The following SMARCAL1 variants were observed in gnomAD, a reference collection of about 807,000 sequenced individuals.
SMARCAL1 encodes SNF2 related chromatin remodeling annealing helicase 1.
Under a neutral mutation model 94.5 loss-of-function variants are expected in SMARCAL1, and 58 were observed. That is an observed-to-expected ratio of 0.61 (90% CI 0.50 to 0.76). SMARCAL1 has a LOEUF of 0.76. SMARCAL1 is among the 30% of genes least tolerant of loss of function. The pLI is 0.00. For synonymous variants in SMARCAL1, 422 were observed against 455.1 expected (o/e 0.93, Z 0.93); for missense variants, 1,051 against 1,177.9 (o/e 0.89, Z 1.58).
intron 5 of SMARCAL1, among the ~76,000 whole-genome samples, chr2:216,421,819 A>G (rs1055252695): frequency 2.0e-5 from 3 of 152,220 alleles, no homozygotes; most frequent in African/African-American, 7.2e-5. Context: ...GAGACCTCAC[A>G]TTCAAGCATT....
intron 12 of SMARCAL1, among the ~76,000 whole-genome samples, chr2:216,453,629 G>A (rs1236986027): frequency 6.6e-6 from 1 of 152,186 alleles, no homozygotes; most frequent in African/African-American, 2.4e-5. Flanking sequence ...GAGTTGGAAG[G>A]GTTAAAATGG....
At chr2:216,481,188 T>C (rs1695188687) in intron 17 of SMARCAL1, among the ~76,000 whole-genome samples, 1 of 136,504 alleles carries the variant, frequency 7.3e-6, no homozygotes, top group African/African-American at 3.2e-5. Flanking sequence ...TTTTTTATAT[T>C]TATTTATTTA....
chr2:216,462,091 C>T (rs1189558535), intron 12 of SMARCAL1, among the ~76,000 whole-genome samples: 1 of 152,084 alleles, frequency 6.6e-6, no homozygotes, highest in Non-Finnish European at 1.5e-5. Context: ...CTGCATCATC[C>T]CCAAAAGGGC....
At chr2:216,450,162 T>A (rs891584579) in intron 11 of SMARCAL1, among the ~76,000 whole-genome samples, 3 of 152,210 alleles carry the variant, frequency 2.0e-5, no homozygotes, top group African/African-American at 7.2e-5. Context: ...TAATGGCTTC[T>A]CTAGCTGTGT....
At chr2:216,435,537 G>C (rs773195998) in intron 9 of SMARCAL1, 41 bp downstream of exon 9, 2 of 1,568,770 alleles carry the variant, frequency 1.3e-6, no homozygotes, top group South Asian at 2.2e-5. Context: ...TTATCTCTCT[G>C]GAAACTTTCT....
At position 216,435,284 on chromosome 2, in the gene SMARCAL1, A is replaced by G. The variant is rs1694057042; in HGVS notation, c.1486-54A>G. The G allele has an allele frequency of 8.8e-6, 14 of 1,597,558 alleles. No homozygotes were observed. In the East Asian group the frequency reaches 2.9e-4, roughly 33 times the overall value. The stretch of plus-strand genomic sequence containing the variant: ...CATGAGACTGCTGCTGTCACAACCA[A>G]CAGCTGCTGTGCTGGGTGGTCATTG... On this transcript the variant is annotated intron_variant, in intron 8 of 17. Transcript: ENST00000357276.
chr2:216,469,701 T>A (rs1398994971), intron 14 of SMARCAL1, among the ~76,000 whole-genome samples: 1 of 152,176 alleles, frequency 6.6e-6, no homozygotes, highest in Non-Finnish European at 1.5e-5. Context: ...ATCTATGCAT[T>A]TCTTTATGGC....
In SMARCAL1 at chr2:216,464,182, G is replaced by A. The variant is rs113742214; in HGVS notation, c.2071-415G>A. Among the ~76,000 whole-genome samples, 493 of 152,304 alleles carry A rather than the reference G, an allele frequency of 3.2e-3. 2 individuals are homozygous for A. The highest frequency in any genetic ancestry group is 0.012 in the African/African-American group (480 of 41,564). ...TCACAGCTTGGCAGAAGAAAAGAGG[G>A]AAGCAAAAAGCAAGTTGGGGAAATG... On this transcript the variant is annotated intron_variant, in intron 12 of 17. Transcript: ENST00000357276.
Position 216,482,890 on chromosome 2 carries a change from G to A in SMARCAL1, c.2778G>A (p.Leu926=), listed in dbSNP as rs373335368. Residue 926 remains leucine (L), a synonymous_variant, in exon 18 of 18, where the codon CTG becomes CTA. Coordinates refer to ENST00000357276, the MANE Select transcript of SMARCAL1 (RefSeq NM_014140.4). This position sits in a 1 kb window ranked among gnomAD's most constrained non-coding sequence, Gnocchi z 4.3. ...GTTCCCAGAACATGGGAGACACCCT[G>A]GATGAAAGCTCATTGACAGCCAGTC... ...GSSSQNMGDT[L]DESSLTASPQ... 18 of 1,614,032 alleles carry A rather than the reference G, an allele frequency of 1.1e-5. No individual in the cohort carries two copies. The highest frequency in any genetic ancestry group is 2.7e-5 in the African/African-American group (2 of 74,908).
chr2:216,420,674 T>C (rs1418214040), intron 5 of SMARCAL1, 142 bp downstream of exon 5: 1 of 738,308 alleles, frequency 1.4e-6, no homozygotes. Flanking sequence ...TATAGAAAGA[T>C]GACACGTTAA....
intron 12 of SMARCAL1, among the ~76,000 whole-genome samples, chr2:216,460,312 T>C (rs1422199259): frequency 6.6e-6 from 1 of 152,180 alleles, no homozygotes; most frequent in African/African-American, 2.4e-5. Flanking sequence ...GAAATACCAT[T>C]TGACCCAGCC....
intron 5 of SMARCAL1, 51 bp downstream of exon 5, chr2:216,420,583 C>A: frequency 7.0e-7 from 1 of 1,427,794 alleles, no homozygotes; most frequent in Non-Finnish European, 9.9e-7. Flanking sequence ...GGTCTGTGAT[C>A]TCAACATAGG....
At chr2:216,437,597 G>C (rs975288585) in intron 9 of SMARCAL1, among the ~76,000 whole-genome samples, 3 of 152,110 alleles carry the variant, frequency 2.0e-5, no homozygotes, top group Non-Finnish European at 4.4e-5. Context: ...CCATTTTACA[G>C]ACAGCAAAAC....
At chr2:216,413,311 T>C (rs947820741) in intron 1 of SMARCAL1, among the ~76,000 whole-genome samples, 1 of 152,224 alleles carries the variant, frequency 6.6e-6, no homozygotes, top group Admixed American at 6.5e-5. Flanking sequence ...GCCTATTTAG[T>C]CTGAACCAAG....
chr2:216,433,751 TGAA>T (rs1378558143), intron 8 of SMARCAL1, among the ~76,000 whole-genome samples: 1 of 152,138 alleles, frequency 6.6e-6, no homozygotes, highest in Non-Finnish European at 1.5e-5. Flanking sequence ...ACAAACTCAG[TGAA>T]GAAGGAAGAC....
At chr2:216,441,963 A>G (rs1314489386) in intron 10 of SMARCAL1, among the ~76,000 whole-genome samples, 1 of 152,234 alleles carries the variant, frequency 6.6e-6, no homozygotes, top group East Asian at 1.9e-4. Flanking sequence ...AAAGGCCCCT[A>G]GAGTCCTACC....
intron 12 of SMARCAL1, among the ~76,000 whole-genome samples, chr2:216,461,110 A>G (rs1231708388): frequency 6.6e-6 from 1 of 150,902 alleles, no homozygotes; most frequent in Non-Finnish European, 1.5e-5. Flanking sequence ...GTGTATGTGT[A>G]TAAAGACCTG....
chr2:216,439,802 C>T (rs1353436106), intron 10 of SMARCAL1, among the ~76,000 whole-genome samples: 2 of 152,188 alleles, frequency 1.3e-5, no homozygotes, highest in African/African-American at 4.8e-5. Flanking sequence ...TGGCTCACGC[C>T]TGTAATCCCA....
chr2:216,439,391 C>G (rs1298413158), intron 10 of SMARCAL1, among the ~76,000 whole-genome samples: 2 of 151,966 alleles, frequency 1.3e-5, no homozygotes, highest in South Asian at 2.1e-4. Flanking sequence ...AGAAAAGTAG[C>G]CTTTTCTCTT....
Sources: gnomAD v4.1 joint callset for allele counts (sites outside exome capture counted in the v4.1 genomes callset) on GRCh38, gnomAD v4.1.1 for gene constraint, Gnocchi (gnomAD v3.1) non-coding constraint, MANE v1.5 for transcripts, NCBI Gene and HGNC (gene_info 2026-07-23, HGNC 2026-07-21) for gene names.